The following KCNH7 variants were observed in gnomAD, a reference collection of about 807,000 sequenced individuals.
KCNH7 encodes the protein voltage-gated inwardly rectifying potassium channel KCNH7.
In KCNH7, 49 loss-of-function variants were observed where a neutral mutation model predicts 120.8. That is an observed-to-expected ratio of 0.41 (90% CI 0.32 to 0.51). KCNH7 has a LOEUF of 0.51. Among genes scored for constraint, KCNH7 ranks in the 20% least tolerant of loss-of-function variants. The pLI, the probability that KCNH7 is intolerant of heterozygous loss-of-function variation, is 0.38. For missense variants in KCNH7, 1,097 were observed against 1,446.6 expected (o/e 0.76, Z 3.92); for synonymous variants, 547 against 516.1 (o/e 1.06, Z -0.81).
At chr2:162,396,716 C>T in intron 11 of KCNH7, 24 bp downstream of exon 11, 6 of 1,527,476 alleles carry the variant, frequency 3.9e-6, no homozygotes, top group Non-Finnish European at 5.4e-6. Context: ...GAAATACAGA[C>T]ATAAGCAAAC....
At chr2:162,644,509 C>A (rs1684283013) in intron 2 of KCNH7, among the ~76,000 whole-genome samples, 1 of 152,074 alleles carries the variant, frequency 6.6e-6, no homozygotes, top group African/African-American at 2.4e-5. Context: ...CTGAATATAA[C>A]CAAAACGGTA....
At chr2:162,816,348 T>C (rs1204152947) in intron 2 of KCNH7, among the ~76,000 whole-genome samples, 1 of 151,640 alleles carries the variant, frequency 6.6e-6, no homozygotes, top group Non-Finnish European at 1.5e-5. Flanking sequence ...TCACTGACTA[T>C]GTGTTTTGTT....
intron 9 of KCNH7, among the ~76,000 whole-genome samples, chr2:162,415,160 C>A (rs1161403704): frequency 2.0e-5 from 3 of 150,484 alleles, no homozygotes; most frequent in Non-Finnish European, 4.4e-5. Flanking sequence ...AAAAAAAAAA[C>A]AAAAAACAAA....
chr2:162,478,770 G>A (rs1181019461), intron 6 of KCNH7, among the ~76,000 whole-genome samples: 1 of 152,090 alleles, frequency 6.6e-6, no homozygotes, highest in African/African-American at 2.4e-5. Context: ...TGATGTTTCT[G>A]GCACTAATTT....
intron 2 of KCNH7, among the ~76,000 whole-genome samples, chr2:162,633,667 T>C (rs1683843758): frequency 6.6e-6 from 1 of 152,006 alleles, no homozygotes; most frequent in African/African-American, 2.4e-5. Flanking sequence ...CAGGTGACCC[T>C]TTTTCTATGT....
chr2:162,390,352 A>G (rs560965918), intron 12 of KCNH7, among the ~76,000 whole-genome samples: 1 of 151,532 alleles, frequency 6.6e-6, no homozygotes, highest in Non-Finnish European at 1.5e-5. Flanking sequence ...ATGCTATTTT[A>G]CAAATATACC....
intron 2 of KCNH7, among the ~76,000 whole-genome samples, chr2:162,759,954 A>G (rs1206785612): frequency 5.9e-5 from 9 of 152,070 alleles, no homozygotes; most frequent in African/African-American, 2.2e-4. Flanking sequence ...AAAGTCCTGA[A>G]GAATATGTAA....
At chr2:162,623,505 G>A (rs1317231434) in intron 2 of KCNH7, among the ~76,000 whole-genome samples, 1 of 152,002 alleles carries the variant, frequency 6.6e-6, no homozygotes, top group African/African-American at 2.4e-5. Context: ...TTTATATGGG[G>A]TCTATTAATA....
At chr2:162,774,168 T>C (rs1046250827) in intron 2 of KCNH7, among the ~76,000 whole-genome samples, 3 of 152,146 alleles carry the variant, frequency 2.0e-5, no homozygotes, top group South Asian at 2.1e-4. Flanking sequence ...TCTACACTTA[T>C]GTCAATGTCC....
chr2:162,559,563 C>G (rs1334035977), intron 2 of KCNH7, among the ~76,000 whole-genome samples: 1 of 152,182 alleles, frequency 6.6e-6, no homozygotes, highest in African/African-American at 2.4e-5. Flanking sequence ...AACATGCAAA[C>G]AAGACACCCA....
chr2:162,439,025 C>T (rs984581219), intron 7 of KCNH7, among the ~76,000 whole-genome samples: 19 of 152,216 alleles, frequency 1.2e-4, no homozygotes, highest in Admixed American at 1.2e-3. Flanking sequence ...GGACCAACAA[C>T]TACTCTATTA....
rs1186915784 is a variant in KCNH7, at chr2:162,700,535, T to C, written c.307+136002A>G. Among the ~76,000 whole-genome samples the C allele has an allele frequency of 2.0e-5, 3 of 152,296 alleles. No individual in the cohort carries two copies. In the East Asian group the frequency reaches 5.8e-4, roughly 29 times the overall value. ...TTAAATATGATGAGACTGCCATTCGTTGCTCTACTAGACAACCAATCAAGA... is the reference window on the plus strand; with the variant it reads ...TTAAATATGATGAGACTGCCATTCGCTGCTCTACTAGACAACCAATCAAGA... On this transcript the variant is annotated intron_variant, in intron 2 of 15. Coordinates refer to ENST00000332142, the MANE Select transcript of KCNH7 (RefSeq NM_033272.4).
At chr2:162,433,137 A>C (rs1052499728) in intron 8 of KCNH7, among the ~76,000 whole-genome samples, 1 of 152,094 alleles carries the variant, frequency 6.6e-6, no homozygotes, top group Non-Finnish European at 1.5e-5. Flanking sequence ...AGATGACACA[A>C]ACAAATGGAC....
intron 2 of KCNH7, among the ~76,000 whole-genome samples, chr2:162,679,830 A>G (rs1034771715): frequency 6.6e-6 from 1 of 151,756 alleles, no homozygotes; most frequent in Non-Finnish European, 1.5e-5. Flanking sequence ...GGCCTTCTGA[A>G]ACATCTTTCT....
At chr2:162,580,063 C>T (rs946484028) in intron 2 of KCNH7, among the ~76,000 whole-genome samples, 1 of 152,004 alleles carries the variant, frequency 6.6e-6, no homozygotes, top group Non-Finnish European at 1.5e-5. Context: ...CACATGTACT[C>T]CAGGCTGTTC....
chr2:162,706,248 T>C (rs1686697864), intron 2 of KCNH7, among the ~76,000 whole-genome samples: 1 of 152,122 alleles, frequency 6.6e-6, no homozygotes, highest in South Asian at 2.1e-4. Flanking sequence ...AAGAAACTGA[T>C]AATTTTTCCA....
chr2:162,492,733 T>C (rs1690350648), intron 6 of KCNH7, among the ~76,000 whole-genome samples: 1 of 152,142 alleles, frequency 6.6e-6, no homozygotes, highest in Admixed American at 6.6e-5. Context: ...TATTGGCCGC[T>C]TTGCATGGCT....
At chr2:162,675,363 C>T (rs1163359834) in intron 2 of KCNH7, among the ~76,000 whole-genome samples, 1 of 151,200 alleles carries the variant, frequency 6.6e-6, no homozygotes, top group African/African-American at 2.4e-5. Flanking sequence ...CCCATGGACT[C>T]CTGAAGAAAA....
intron 2 of KCNH7, among the ~76,000 whole-genome samples, chr2:162,829,408 T>C (rs1685395017): frequency 6.6e-6 from 1 of 152,306 alleles, no homozygotes; most frequent in East Asian, 1.9e-4. Flanking sequence ...GAGGGATAAA[T>C]AGTTGCACTA....
Sources: gnomAD v4.1 joint callset for allele counts (sites outside exome capture counted in the v4.1 genomes callset) on GRCh38, gnomAD v4.1.1 for gene constraint, MANE v1.5 for transcripts, NCBI Gene and HGNC (gene_info 2026-07-23, HGNC 2026-07-21) for gene names.